UTP20: variants seen among roughly 807,000 people sequenced by gnomAD.
UTP20 encodes small subunit processome component 20 homolog.
In UTP20, 164 loss-of-function variants were observed where a neutral mutation model predicts 329.5. The ratio of observed to expected loss-of-function variants is 0.50; its 90% confidence interval spans 0.44 to 0.57. The LOEUF is 0.57. Among genes scored for constraint, UTP20 ranks in the 20% least tolerant of loss-of-function variants. The probability of loss-of-function intolerance (pLI) is 0.00; values close to 1 mark genes in which losing one functional copy is unlikely to be tolerated. For missense variants in UTP20, 3,055 were observed against 3,284.2 expected (o/e 0.93, Z 1.71); for synonymous variants, 1,151 against 1,159.3 (o/e 0.99, Z 0.14).
rs548127054 is a variant in UTP20 at position 101,364,122 on chromosome 12, T to A, written c.5958+379T>A. Among the ~76,000 whole-genome samples the A allele has an allele frequency of 9.8e-5, 15 of 152,310 alleles. No individual in the cohort carries two copies. In the South Asian group the frequency reaches 3.1e-3, roughly 32 times the overall value. On this transcript the variant is annotated intron_variant, in intron 45 of 61. Transcript: ENST00000261637. ...TTTGAAATTTTATTAAGAATTTGTT[T>A]TAGGCCAAGCATGGTGGCTCACACC...
intron 21 of UTP20, among the ~76,000 whole-genome samples, chr12:101,316,343 A>G (rs1457754079): frequency 6.6e-6 from 1 of 152,230 alleles, no homozygotes; most frequent in Non-Finnish European, 1.5e-5. Context: ...GAATGAGTGA[A>G]CATGCTGTTC....
At chr12:101,377,778 T>C (rs1870524200) in intron 56 of UTP20, among the ~76,000 whole-genome samples, 1 of 152,236 alleles carries the variant, frequency 6.6e-6, no homozygotes, top group Admixed American at 6.5e-5. Context: ...AGACCATTAG[T>C]GTAGTCAGAC....
intron 45 of UTP20, among the ~76,000 whole-genome samples, chr12:101,365,072 TTGTGTGTGTGTGTGTGTGTGTG>T (rs60890980): frequency 1.4e-5 from 2 of 141,914 alleles, no homozygotes; most frequent in East Asian, 2.1e-4. Context: ...ATTTTGTTGA[TTGTGTGTGTGTGTGTGTGTGTG>T]TGTGTGTGTG....
rs1436601083 is a variant in UTP20, at chr12:101,291,763, A to G, written c.913A>G (p.Thr305Ala). 2 of 1,600,270 alleles carry G rather than the reference A, an allele frequency of 1.2e-6. No homozygotes were observed. The change falls in exon 9 of 62, where the codon ACA becomes GCA. Residue 305 changes from threonine (T) to alanine (A), a missense_variant. Transcript: ENST00000261637. ...GCAGGAATCGCTCTTGGATCTACAC[A>G]CAAAAGTAACAAAAACTAACTGTTG... is the stretch of plus-strand genomic sequence containing the variant. ...CLQESLLDLH[T>A]KVTKTNCCES...
rs1464502003 is a variant in UTP20, at chr12:101,345,713, T to G, written c.4746+19T>G. The G allele has an allele frequency of 6.3e-7, 1 of 1,598,836 alleles. No homozygotes were observed. Among genetic ancestry groups the G allele is most frequent in the Non-Finnish European group, 8.5e-7 (1 of 1,174,898 alleles). Reference sequence around the variant, plus strand: ...CATTCAGGTAGAAGACAATTCTGCTTTTTCCTACCTACGACATAAGCATAC... The same window carrying G: ...CATTCAGGTAGAAGACAATTCTGCTGTTTCCTACCTACGACATAAGCATAC... On this transcript the variant is annotated intron_variant, in intron 37 of 61. Coordinates refer to ENST00000261637, the MANE Select transcript of UTP20 (RefSeq NM_014503.3).
chr12:101,311,870 TACTC>T lies in UTP20; in HGVS notation c.2311+75_2311+78del, dbSNP rs1179356335. 8 of 1,559,980 alleles carry T rather than the reference TACTC, an allele frequency of 5.1e-6. No homozygotes were observed. The South Asian group carries it at 5.9e-5, about 12-fold the overall frequency. ...AACTGTTTTGTTTTTATTGCTTAAT[TACTC>T]ACGAAATTGGAAAACAGAGATGAAA... On this transcript the variant is annotated intron_variant, in intron 20 of 61. Transcript: ENST00000261637.
chr12:101,346,727 A>G, intron 38 of UTP20, 139 bp downstream of exon 38: 1 of 841,908 alleles, frequency 1.2e-6, no homozygotes, highest in African/African-American at 1.8e-5. Flanking sequence ...AAGTTCTTAG[A>G]ACTGTGTCTG....
intron 45 of UTP20, 31 bp downstream of exon 45, chr12:101,363,774 C>T (rs368134841): frequency 8.4e-5 from 119 of 1,423,610 alleles, no homozygotes; most frequent in South Asian, 4.9e-4. Context: ...CTGGAGATCA[C>T]AGCATTACAA....
chr12:101,311,408 TCTC>T (rs772304483), intron 19 of UTP20, among the ~76,000 whole-genome samples: 55 of 152,306 alleles, frequency 3.6e-4, no homozygotes, highest in Non-Finnish European at 6.0e-4. Flanking sequence ...GGCCCCTTCT[TCTC>T]TTAATGGATC....
At chr12:101,293,510 A>G (rs533355731) in intron 11 of UTP20, among the ~76,000 whole-genome samples, 2 of 152,350 alleles carry the variant, frequency 1.3e-5, no homozygotes, top group African/African-American at 2.4e-5. Flanking sequence ...AGCATAGAAA[A>G]TAGTTTGTGA....
At chr12:101,285,923 T>G in intron 4 of UTP20, 42 bp downstream of exon 4, 2 of 1,595,066 alleles carry the variant, frequency 1.3e-6, no homozygotes, top group Non-Finnish European at 1.7e-6. Flanking sequence ...TATATTTGCC[T>G]GAATTTTAAG....
Position 101,343,056 on chromosome 12 carries a change from T to C in UTP20, c.4412T>C (p.Leu1471Pro), listed in dbSNP as rs1458125051. 6.2e-7 allele frequency: 1 copy of C among 1,611,060 alleles called. No individual in the cohort carries two copies. Among genetic ancestry groups the C allele is most frequent in the South Asian group, 1.1e-5 (1 of 90,516 alleles). Reference protein sequence around the residue: ...KEMQIVDVNYLIPVMHNCFYN... With the variant: ...KEMQIVDVNYPIPVMHNCFYN... Reference sequence around the variant, plus strand: ...ATGCAAATTGTGGATGTTAACTACCTAATTCCAGTTATGCATAATTGTTTC... The same window carrying C: ...ATGCAAATTGTGGATGTTAACTACCCAATTCCAGTTATGCATAATTGTTTC... Residue 1471 changes from leucine to proline, a missense_variant, in exon 35 of 62, where the codon CTA becomes CCA. By Grantham distance (98) the Leu-to-Pro change is moderately conservative. Around this residue, in one of 3 missense-constraint regions of UTP20, gnomAD observed 2,445 missense variants for 2,575.5 expected, o/e 0.95. Coordinates refer to ENST00000261637, the MANE Select transcript of UTP20 (RefSeq NM_014503.3).
rs548762458 is a variant in UTP20 at position 101,363,618 on chromosome 12, G to A, written c.5833G>A (p.Glu1945Lys). 6.2e-7 allele frequency: 1 copy of A among 1,613,998 alleles called. No homozygotes were observed. Among genetic ancestry groups the A allele is most frequent in the South Asian group, 1.1e-5 (1 of 91,058 alleles). Residue 1945 changes from glutamate (E) to lysine (K), a missense_variant, in exon 45 of 62, where the codon GAA becomes AAA. This residue lies in a region of UTP20 where 2,445 missense variants were observed against 2,575.5 expected (regional missense o/e 0.95). Transcript: ENST00000261637. ...GTTTGGTGCTGTTGCTGAAGAGAAG[G>A]AAGTAAAGCAGATCCTCTCCAAAGT... is the stretch of plus-strand genomic sequence containing the variant. ...ELFGAVAEEK[E>K]VKQILSKVME...
chr12:101,340,501 T>C lies in UTP20; in HGVS notation c.4014-22T>C, dbSNP rs755561022. On this transcript the variant is annotated intron_variant, in intron 31 of 61. Transcript: ENST00000261637. ...AATATCCTTGTATATGTTCCTTATA[T>C]ATCCGTTTTTTCCTTCTTTAGGATC... The C allele has an allele frequency of 1.4e-5, 20 of 1,463,168 alleles. No individual in the cohort carries two copies. The South Asian group carries it at 2.2e-4, about 16-fold the overall frequency. 90.6% of individuals were successfully genotyped at this position (1,463,168 alleles called of 1,614,324 possible).
intron 21 of UTP20, among the ~76,000 whole-genome samples, chr12:101,313,518 T>A (rs1043938105): frequency 6.6e-6 from 1 of 152,140 alleles, no homozygotes; most frequent in Non-Finnish European, 1.5e-5. Flanking sequence ...GACTGTAGAA[T>A]GACATTGGTG....
At chr12:101,297,499 C>T (rs1872394471) in intron 12 of UTP20, among the ~76,000 whole-genome samples, 1 of 152,162 alleles carries the variant, frequency 6.6e-6, no homozygotes, top group South Asian at 2.1e-4. Context: ...ACAGGTTGAG[C>T]CACTGTGTTT....
At chr12:101,319,935 A>T (rs139092092) in intron 23 of UTP20, among the ~76,000 whole-genome samples, 1 of 152,340 alleles carries the variant, frequency 6.6e-6, no homozygotes, top group African/African-American at 2.4e-5. Context: ...AGAAGGGAGT[A>T]GGGTTTATAC....
In UTP20 at chr12:101,344,934, C is replaced by CTTTTTT. The variant is rs11417670; in HGVS notation, c.4605+208_4605+213dup. Among the ~76,000 whole-genome samples the CTTTTTT allele has an allele frequency of 1.2e-3, 75 of 61,558 alleles. 2 individuals are homozygous for CTTTTTT. Among genetic ancestry groups the CTTTTTT allele is most frequent in the Non-Finnish European group, 1.8e-3 (59 of 31,964 alleles). The allele number at this position is 61,558 out of a possible 152,430, so 40.4% of individuals were successfully genotyped here. On this transcript the variant is annotated intron_variant, in intron 36 of 61. Transcript: ENST00000261637. ...CTAGAAAGGAGAGCACTTTTTTTTG[C>CTTTTTT]TTTTTTTTTTTTTTTTTTTTTTTTT...
At chr12:101,385,907 G>GATTCTTA (rs1870810515) in intron 61 of UTP20, 61 bp from the exon 62 acceptor site, 1 of 1,465,188 alleles carries the variant, frequency 6.8e-7, no homozygotes, top group South Asian at 1.3e-5. Flanking sequence ...TTCTGTATTT[G>GATTCTTA]ATTCTTATTG....
Sources: allele counts gnomAD v4.1 joint callset (sites outside exome capture counted in the v4.1 genomes callset), GRCh38; gene constraint gnomAD v4.1.1; regional missense constraint gnomAD v4.1.1; transcripts MANE v1.5; gene names NCBI Gene and HGNC (gene_info 2026-07-23, HGNC 2026-07-21).